DNAJC17: variants seen among roughly 807,000 people sequenced by gnomAD.
The protein encoded by DNAJC17 is DnaJ heat shock protein family (Hsp40) member C17.
Under a neutral mutation model 48.1 loss-of-function variants are expected in DNAJC17, and 35 were observed. That is an observed-to-expected ratio of 0.73 (90% CI 0.56 to 0.96). The LOEUF is 0.96. Among genes scored for constraint, DNAJC17 ranks in the 50% least tolerant of loss-of-function variants. DNAJC17 has a pLI of 0.00. For missense variants in DNAJC17, 355 were observed against 377.1 expected (o/e 0.94, Z 0.48); for synonymous variants, 117 against 142.7 (o/e 0.82, Z 1.28).
Position 40,770,225 on chromosome 15 carries a change from AC to A in DNAJC17, c.793-2164del, listed in dbSNP as rs1415649145. The A allele has an allele frequency of 5.3e-5, 25 of 472,276 alleles. No individual in the cohort carries two copies. The highest frequency in any genetic ancestry group is 3.6e-5 in the East Asian group (1 of 27,466). The allele number at this position is 472,276 out of a possible 1,614,324, so 29.3% of individuals were successfully genotyped here. A position where few individuals can be genotyped will look rare whatever the true frequency, so the allele number is the denominator to read the frequency against. On this transcript the variant is annotated intron_variant, in intron 10 of 10. Transcript: ENST00000220496. The surrounding 1 kb of genome is among the most constrained non-coding windows in gnomAD (Gnocchi z 5.0). ...TCTTCCTCCTGGGTTTTTTTCCACT[AC>A]CCTATTCAGTAACCAGGCCACTCCT...
intron 1 of DNAJC17, among the ~76,000 whole-genome samples, chr15:40,783,507 C>T (rs1596085182): frequency 6.6e-6 from 1 of 152,186 alleles, no homozygotes; most frequent in East Asian, 1.9e-4. Context: ...GACTAGTAGG[C>T]TTGCCCCAGG....
At chr15:40,801,846 G>A (rs1890084746) in intron 1 of DNAJC17, among the ~76,000 whole-genome samples, 1 of 152,174 alleles carries the variant, frequency 6.6e-6, no homozygotes, top group African/African-American at 2.4e-5. Flanking sequence ...TTTCTGTGAG[G>A]AGAATTGGAG....
intron 1 of DNAJC17, among the ~76,000 whole-genome samples, chr15:40,804,727 C>T (rs557843278): frequency 6.6e-6 from 1 of 152,206 alleles, no homozygotes; most frequent in East Asian, 1.9e-4. Flanking sequence ...TTCAGCCGGG[C>T]GCGGTGGCTC....
intron 1 of DNAJC17, among the ~76,000 whole-genome samples, chr15:40,784,011 G>T (rs2141954570): frequency 6.6e-6 from 1 of 152,222 alleles, no homozygotes; most frequent in Admixed American, 6.5e-5. Context: ...CGAATCAGTT[G>T]AGGTCAGGAA....
In DNAJC17 at chr15:40,767,156, C is replaced by A; in HGVS notation, c.*784G>T. The A allele has an allele frequency of 7.1e-7, 1 of 1,409,426 alleles. No homozygotes were observed. Among genetic ancestry groups the A allele is most frequent in the Non-Finnish European group, 9.3e-7 (1 of 1,073,282 alleles). The allele number at this position is 1,409,426 out of a possible 1,614,324, so 87.3% of individuals were successfully genotyped here. ...ACAAGAGTGGCCAGGCTGCCTGCTG[C>A]AGACACTAGCTTTGTACCAGGAGCT... On this transcript the variant is annotated 3_prime_UTR_variant, in exon 11 of 11. Coordinates refer to ENST00000220496, the MANE Select transcript of DNAJC17 (RefSeq NM_018163.3).
intron 1 of DNAJC17, among the ~76,000 whole-genome samples, chr15:40,783,242 AC>A (rs1010960307): frequency 1.3e-4 from 20 of 151,966 alleles, no homozygotes; most frequent in Non-Finnish European, 2.6e-4. Context: ...AATACCAAAA[AC>A]ATTATAAAGA....
At chr15:40,775,167 C>G (rs1253383091) in intron 7 of DNAJC17, 59 bp from the exon 8 acceptor site, 2 of 1,570,960 alleles carry the variant, frequency 1.3e-6, no homozygotes, top group African/African-American at 2.7e-5. Flanking sequence ...CACCCCACGA[C>G]TGAGCTTGAC....
rs1191725601 is a variant in DNAJC17 at position 40,767,190 on chromosome 15, G to A, written c.*750C>T. 8 of 1,458,452 alleles carry A rather than the reference G, an allele frequency of 5.5e-6. No homozygotes were observed. Among genetic ancestry groups the A allele is most frequent in the Non-Finnish European group, 7.3e-6 (8 of 1,102,678 alleles). The allele number at this position is 1,458,452 out of a possible 1,614,324, so 90.3% of individuals were successfully genotyped here. On this transcript the variant is annotated 3_prime_UTR_variant, in exon 11 of 11. Coordinates refer to ENST00000220496, the MANE Select transcript of DNAJC17 (RefSeq NM_018163.3). ...GCTTTGTACCAGGAGCTTGCTGTGTGCCCCTCCTCACCCCCCCCATCCTGT... is the reference window on the plus strand; with the variant it reads ...GCTTTGTACCAGGAGCTTGCTGTGTACCCCTCCTCACCCCCCCCATCCTGT...
intron 1 of DNAJC17, among the ~76,000 whole-genome samples, chr15:40,781,986 G>A (rs1378135316): frequency 1.3e-5 from 2 of 152,030 alleles, no homozygotes; most frequent in South Asian, 2.1e-4. Flanking sequence ...CTACTCAGGC[G>A]GTTGAGGCGA....
chr15:40,783,501 A>G (rs961741989), intron 1 of DNAJC17, among the ~76,000 whole-genome samples: 9 of 152,200 alleles, frequency 5.9e-5, no homozygotes, highest in Admixed American at 5.9e-4. Context: ...GACTAGGACT[A>G]GTAGGCTTGC....
Position 40,766,127 on chromosome 15 carries a change from T to G in DNAJC17, c.*1813A>C. ...CCCCCACGAGGCTTGCTCTGAAAGCTTTCCACATCCTTACTGGAACCGCAG... is the reference window on the plus strand; with the variant it reads ...CCCCCACGAGGCTTGCTCTGAAAGCGTTCCACATCCTTACTGGAACCGCAG... On this transcript the variant is annotated 3_prime_UTR_variant, in exon 11 of 11. Coordinates refer to ENST00000220496, the MANE Select transcript of DNAJC17 (RefSeq NM_018163.3). 1 of 411,292 alleles carries G rather than the reference T, an allele frequency of 2.4e-6. No homozygotes were observed. Among genetic ancestry groups the G allele is most frequent in the Non-Finnish European group, 4.4e-6 (1 of 227,910 alleles). 25.5% of individuals were successfully genotyped at this position (411,292 alleles called of 1,614,324 possible).
At chr15:40,800,835 T>G (rs1173815018) in intron 1 of DNAJC17, among the ~76,000 whole-genome samples, 2 of 152,080 alleles carry the variant, frequency 1.3e-5, no homozygotes, top group Non-Finnish European at 2.9e-5. Flanking sequence ...GGCAGGAGCC[T>G]GTAATCTCGG....
chr15:40,793,310 C>T (rs924127706), intron 1 of DNAJC17, among the ~76,000 whole-genome samples: 2 of 152,154 alleles, frequency 1.3e-5, no homozygotes. Context: ...TTCTTATATA[C>T]TCTTACTGAA....
rs375047328 is a variant in DNAJC17, at chr15:40,766,952, G to C, written c.*988C>G. ...ACTAACATGGTCTACCATCTGGGAC[G>C]CTGGGGAACCTGATTAACCCCTCTG... On this transcript the variant is annotated 3_prime_UTR_variant, in exon 11 of 11. Coordinates refer to ENST00000220496, the MANE Select transcript of DNAJC17 (RefSeq NM_018163.3). The C allele has an allele frequency of 3.8e-6, 1 of 263,332 alleles. No homozygotes were observed. Among genetic ancestry groups the C allele is most frequent in the Non-Finnish European group, 7.1e-6 (1 of 140,182 alleles). 16.3% of individuals were successfully genotyped at this position (263,332 alleles called of 1,614,324 possible).
In DNAJC17 at chr15:40,767,463, C is replaced by A; in HGVS notation, c.*477G>T. 8.2e-7 allele frequency: 1 copy of A among 1,222,480 alleles called. No individual in the cohort carries two copies. The highest frequency in any genetic ancestry group is 1.1e-6 in the Non-Finnish European group (1 of 896,590). The allele number at this position is 1,222,480 out of a possible 1,614,324, so 75.7% of individuals were successfully genotyped here. A position where few individuals can be genotyped will look rare whatever the true frequency, so the allele number is the denominator to read the frequency against. ...TGCTCCTCTCTTCCCAAATCATCAC[C>A]GCCATGGGCCCAGCCCCAAAGGGCA... On this transcript the variant is annotated 3_prime_UTR_variant, in exon 11 of 11. Transcript: ENST00000220496.
At chr15:40,800,195 G>C (rs1890042139) in intron 1 of DNAJC17, among the ~76,000 whole-genome samples, 1 of 152,078 alleles carries the variant, frequency 6.6e-6, no homozygotes. Context: ...GCCTCCTCGA[G>C]TACATGAGAC....
At chr15:40,789,926 A>AG (rs1375216395) in intron 1 of DNAJC17, among the ~76,000 whole-genome samples, 1 of 149,974 alleles carries the variant, frequency 6.7e-6, no homozygotes, top group African/African-American at 2.5e-5. Flanking sequence ...AAAAAAAAAA[A>AG]AAAAAGAAAA....
At chr15:40,768,964 C>T (rs148246157) in intron 10 of DNAJC17, among the ~76,000 whole-genome samples, 7 of 152,344 alleles carry the variant, frequency 4.6e-5, no homozygotes, top group African/African-American at 1.4e-4. Flanking sequence ...CGCGGTACCC[C>T]GCATGGGGAC....
At chr15:40,789,903 CAA>C (rs71428311) in intron 1 of DNAJC17, among the ~76,000 whole-genome samples, 160 of 19,950 alleles carry the variant, frequency 8.0e-3, no homozygotes, top group African/African-American at 0.027. Context: ...CAGACTGTCT[CAA>C]AAAAAAAAAA....
Sources: allele counts gnomAD v4.1 joint callset (sites outside exome capture counted in the v4.1 genomes callset), GRCh38; gene constraint gnomAD v4.1.1; non-coding constraint Gnocchi (gnomAD v3.1); transcripts MANE v1.5; gene names NCBI Gene and HGNC (gene_info 2026-07-23, HGNC 2026-07-21).